The following CPNE4 variants were observed in gnomAD, a reference collection of about 807,000 sequenced individuals.
The protein encoded by CPNE4 is copine 4.
CPNE4 carries 25 observed loss-of-function variants against 67.9 expected under a neutral mutation model. The ratio of observed to expected loss-of-function variants is 0.37; its 90% CI spans 0.27 to 0.51. CPNE4 has a LOEUF of 0.51. CPNE4 is among the 20% of genes least tolerant of loss of function. The pLI is 0.93. For missense variants in CPNE4, 464 were observed against 690.8 expected, an observed-to-expected ratio of 0.67 and a Z score of 3.68; for synonymous variants, 242 against 244.9, an observed-to-expected ratio of 0.99 and a Z score of 0.11.
At chr3:131,560,614 G>C (rs1358269058) in intron 11 of CPNE4, among the ~76,000 whole-genome samples, 2 of 151,984 alleles carry the variant, frequency 1.3e-5, no homozygotes, top group African/African-American at 4.8e-5. Flanking sequence ...ATTTACACGT[G>C]TTTCTGCCCA....
intron 1 of CPNE4, among the ~76,000 whole-genome samples, chr3:131,933,790 C>CAAAAAA (rs764404007): frequency 8.6e-6 from 1 of 115,940 alleles, no homozygotes; most frequent in Non-Finnish European, 1.9e-5. Context: ...ACAGAAAGAC[C>CAAAAAA]AAAAAAAAAA....
intron 1 of CPNE4, among the ~76,000 whole-genome samples, chr3:131,947,976 G>C (rs1015317484): frequency 6.6e-6 from 1 of 152,172 alleles, no homozygotes; most frequent in East Asian, 1.9e-4. Context: ...ACTTTGAATA[G>C]TACTAAAGTT....
intron 1 of CPNE4, among the ~76,000 whole-genome samples, chr3:131,920,966 G>T (rs537761714): frequency 7.3e-4 from 111 of 152,216 alleles, no homozygotes; most frequent in African/African-American, 2.6e-3. Context: ...CTGATGGTCT[G>T]GTATCCTTAC....
rs748126986 is a variant in CPNE4, at chr3:131,958,609, C to CTTTTTTTTTT, written c.-1-53175_-1-53166dup. Among the ~76,000 whole-genome samples the CTTTTTTTTTT allele has an allele frequency of 2.9e-3, 283 of 95,942 alleles. 39 individuals are homozygous for CTTTTTTTTTT. The highest frequency in any genetic ancestry group is 7.0e-3 in the African/African-American group (141 of 20,024). The allele number at this position is 95,942 out of a possible 152,430, so 62.9% of individuals were successfully genotyped here. On this transcript the variant is annotated intron_variant, in intron 1 of 15. Transcript: ENST00000429747. ...CAATTGATACACCTTTCTTTCTTTT[C>CTTTTTTTTTT]TTTTTTTTTTTTTTTTTTTTTTTTT...
intron 1 of CPNE4, among the ~76,000 whole-genome samples, chr3:131,933,931 G>C (rs954024681): frequency 7.7e-6 from 1 of 129,582 alleles, no homozygotes; most frequent in Non-Finnish European, 1.6e-5. Context: ...CAAAATTACA[G>C]TTAGTGAGAA....
At chr3:131,870,707 C>G (rs1248876679) in intron 2 of CPNE4, among the ~76,000 whole-genome samples, 1 of 152,138 alleles carries the variant, frequency 6.6e-6, no homozygotes, top group Non-Finnish European at 1.5e-5. Flanking sequence ...TCCCCCGAAA[C>G]CAGCTTCTTT....
chr3:131,860,145 TGTAAA>T (rs1362439092), intron 2 of CPNE4, among the ~76,000 whole-genome samples: 1 of 152,220 alleles, frequency 6.6e-6, no homozygotes, highest in Non-Finnish European at 1.5e-5. Flanking sequence ...CTTCTGTGTC[TGTAAA>T]GTTATGTTGG....
chr3:131,785,671 T>TTCTCTC (rs10584037), intron 2 of CPNE4, among the ~76,000 whole-genome samples: 598 of 142,840 alleles, frequency 4.2e-3, no homozygotes, highest in Middle Eastern at 7.2e-3. Flanking sequence ...CTTTCTCTCT[T>TTCTCTC]TCTCTCTCTC....
intron 1 of CPNE4, among the ~76,000 whole-genome samples, chr3:131,920,200 A>T (rs1356554618): frequency 6.6e-6 from 1 of 152,184 alleles, no homozygotes; most frequent in East Asian, 1.9e-4. Flanking sequence ...CAGACACTGT[A>T]AATTGCTCTA....
chr3:131,923,167 A>T (rs2070788029), intron 1 of CPNE4, among the ~76,000 whole-genome samples: 1 of 152,192 alleles, frequency 6.6e-6, no homozygotes. Context: ...GTCAGAGTTT[A>T]GTTCAATGAA....
intron 7 of CPNE4, among the ~76,000 whole-genome samples, chr3:131,665,612 T>C (rs368806815): frequency 1.3e-5 from 2 of 151,698 alleles, no homozygotes; most frequent in African/African-American, 4.8e-5. Context: ...TGAGCCTAGA[T>C]TGCGCCACTG....
Position 131,923,726 on chromosome 3 carries a change from A to T in CPNE4, c.-1-18282T>A, listed in dbSNP as rs1452524119. The stretch of plus-strand genomic sequence containing the variant: ...TCTCAAAAAAAAAAAAAAAAAAAAA[A>T]AAATTAAAAAAAAATAGAAAAAAAA... On this transcript the variant is annotated intron_variant, in intron 1 of 15. Transcript: ENST00000429747. Among the ~76,000 whole-genome samples the T allele has an allele frequency of 5.3e-4, 79 of 149,124 alleles. No individual in the cohort carries two copies. The South Asian group carries it at 8.8e-3, about 17-fold the overall frequency.
chr3:131,949,669 A>G (rs541717263), intron 1 of CPNE4, among the ~76,000 whole-genome samples: 38 of 152,326 alleles, frequency 2.5e-4, no homozygotes, highest in Non-Finnish European at 4.7e-4. Context: ...TAAGAAGAGA[A>G]GATCAAATTA....
At chr3:131,780,164 A>C (rs756444530) in intron 2 of CPNE4, among the ~76,000 whole-genome samples, 14 of 152,164 alleles carry the variant, frequency 9.2e-5, no homozygotes, top group Non-Finnish European at 1.6e-4. Flanking sequence ...AGCTATTATT[A>C]AAAAGTCAAA....
At chr3:131,804,126 T>C (rs933939836) in intron 2 of CPNE4, among the ~76,000 whole-genome samples, 3 of 152,146 alleles carry the variant, frequency 2.0e-5, no homozygotes, top group Non-Finnish European at 4.4e-5. Context: ...GAAATTCTCT[T>C]TTACCACTGA....
At chr3:132,013,812 G>T (rs1279578599) in intron 1 of CPNE4, among the ~76,000 whole-genome samples, 1 of 152,162 alleles carries the variant, frequency 6.6e-6, no homozygotes, top group East Asian at 1.9e-4. Context: ...GGGACACAAA[G>T]AGTTTGTATA....
intron 15 of CPNE4, among the ~76,000 whole-genome samples, chr3:131,536,381 T>C (rs1935147329): frequency 1.3e-5 from 2 of 152,222 alleles, no homozygotes. Context: ...TAGTATTAAC[T>C]GTACAACCCC....
intron 3 of CPNE4, 73 bp from the exon 4 acceptor site, chr3:131,700,053 CCTTT>C: frequency 3.8e-5 from 13 of 345,116 alleles, no homozygotes; most frequent in South Asian, 7.2e-5. Context: ...ATTTTTTAAA[CCTTT>C]TTTTTTTTTT....
chr3:131,549,938 C>T lies in CPNE4; in HGVS notation c.1302+9G>A. The T allele has an allele frequency of 6.2e-7, 1 of 1,612,780 alleles. No individual in the cohort carries two copies. Among genetic ancestry groups the T allele is most frequent in the Non-Finnish European group, 8.5e-7 (1 of 1,179,182 alleles). ...GCTCCCCTTAGGAGGCAAATAGCCC[C>T]CTCCTTACCGATGCCTCCTTGGTGT... is the stretch of plus-strand genomic sequence containing the variant. On this transcript the variant is annotated intron_variant, in intron 14 of 15. Transcript: ENST00000429747.
Sources: gnomAD v4.1 joint callset for allele counts (sites outside exome capture counted in the v4.1 genomes callset) on GRCh38, gnomAD v4.1.1 for gene constraint, MANE v1.5 for transcripts, NCBI Gene and HGNC (gene_info 2026-07-23, HGNC 2026-07-21) for gene names.